The following FANCB variants were observed in gnomAD, a reference collection of about 807,000 sequenced individuals.
FANCB encodes Fanconi anemia group B protein.
Under a neutral mutation model 38.9 loss-of-function variants are expected in FANCB, and 5 were observed. That is an observed-to-expected ratio of 0.13 (90% CI 0.07 to 0.27). The LOEUF (loss-of-function observed/expected upper bound fraction) is 0.27. Ranked by LOEUF, FANCB falls within the 10% of genes least tolerant of loss-of-function variation. FANCB has a pLI of 1.00. For synonymous variants in FANCB, 236 were observed against 215.4 expected (o/e 1.10, Z -0.84); for missense variants, 573 against 602.7 (o/e 0.95, Z 0.52).
At chrX:14,859,871 T>C (rs1343485286) in intron 3 of FANCB, among the ~76,000 whole-genome samples, 2 of 111,433 alleles carry the variant, frequency 1.8e-5, no homozygotes, top group Non-Finnish European at 3.8e-5. Context: ...CCTTAAGAGC[T>C]CTTAATGGAA....
chrX:14,701,242 A>G, the FANCB span, among the ~76,000 whole-genome samples: 1 of 111,146 alleles, frequency 9.0e-6, no homozygotes, highest in Non-Finnish European at 1.9e-5. Flanking sequence ...CATCGGACGT[A>G]GGGGAAATTG....
At chrX:14,826,633 GCT>G in the FANCB span, among the ~76,000 whole-genome samples, 1 of 112,162 alleles carries the variant, frequency 8.9e-6, no homozygotes, top group Non-Finnish European at 1.9e-5. Context: ...TTTCCTTGCC[GCT>G]TTTTCTATTG....
intron 1 of FANCB, among the ~76,000 whole-genome samples, chrX:14,869,803 A>G (rs2092486917): frequency 8.9e-6 from 1 of 112,192 alleles, no homozygotes; most frequent in Admixed American, 9.4e-5. Flanking sequence ...GAAGCTTAGC[A>G]TGGCATTCAA....
Position 14,844,596 on chromosome X carries a change from A to G in FANCB, c.2072T>C (p.Val691Ala), listed in dbSNP as rs187737855. The G allele has an allele frequency of 1.7e-6, 2 of 1,208,172 alleles. No individual in the cohort carries two copies. The highest frequency in any genetic ancestry group is 2.2e-6 in the Non-Finnish European group (2 of 893,371). Residue 691 changes from valine (V) to alanine (A), a missense_variant, in exon 9 of 10, where the codon GTG becomes GCG. Coordinates refer to ENST00000650831, the MANE Select transcript of FANCB (RefSeq NM_001018113.3). ...ACTTCCCGGTCTTTCACAAAAGTAC[A>G]CTTCTGGAAATTCTTTGATTATTTC... ...KCEIIKEFPE[V>A]YFCERPGSFY... is the part of the protein sequence containing the mutation.
chrX:14,835,159 T>C (rs762620161), downstream of FANCB: 69 of 533,402 alleles, frequency 1.3e-4, no homozygotes, highest in Admixed American at 1.5e-3. Flanking sequence ...GTGCAGTTCA[T>C]CCTTTGCACC....
At chrX:14,793,554 A>G in the FANCB span, among the ~76,000 whole-genome samples, 3 of 112,349 alleles carry the variant, frequency 2.7e-5, no homozygotes. Context: ...GCTGTTACGA[A>G]AAAAAGATCA....
intron 6 of FANCB, among the ~76,000 whole-genome samples, chrX:14,852,100 C>A (rs1248405205): frequency 3.0e-4 from 33 of 111,077 alleles, no homozygotes. Flanking sequence ...TATGAAGTTT[C>A]AGCAGTTTTT....
At chrX:14,847,331 T>C (rs1411674049) in intron 7 of FANCB, among the ~76,000 whole-genome samples, 2 of 111,087 alleles carry the variant, frequency 1.8e-5, no homozygotes, top group Non-Finnish European at 3.8e-5. Context: ...AGAATAAAAT[T>C]TATGATAATA....
At chrX:14,772,634 C>G in the FANCB span, among the ~76,000 whole-genome samples, 1 of 112,038 alleles carries the variant, frequency 8.9e-6, no homozygotes, top group Non-Finnish European at 1.9e-5. Flanking sequence ...AATGATGCTG[C>G]CTGGCTCCCT....
chrX:14,728,218 G>A, the FANCB span, among the ~76,000 whole-genome samples: 1 of 109,885 alleles, frequency 9.1e-6, no homozygotes, highest in South Asian at 3.9e-4. Context: ...GTGGGACCCC[G>A]TCTCTACAAA....
intron 1 of FANCB, among the ~76,000 whole-genome samples, chrX:14,869,760 T>C (rs1394200018): frequency 8.9e-6 from 1 of 111,777 alleles, no homozygotes; most frequent in African/African-American, 3.3e-5. Context: ...ATATGAATGG[T>C]GTAGAGAAAA....
chrX:14,870,402 T>A (rs1247607875), intron 1 of FANCB, among the ~76,000 whole-genome samples: 1 of 106,465 alleles, frequency 9.4e-6, no homozygotes, highest in Non-Finnish European at 1.9e-5. Context: ...ATTATAACAG[T>A]GGCTGCAGAA....
chrX:14,773,287 T>G, the FANCB span, among the ~76,000 whole-genome samples: 1 of 112,703 alleles, frequency 8.9e-6, no homozygotes, highest in Non-Finnish European at 1.9e-5. Context: ...GATGCATGCA[T>G]GCCTTGCACA....
chrX:14,813,115 A>G, the FANCB span, among the ~76,000 whole-genome samples: 67 of 106,780 alleles, frequency 6.3e-4, no homozygotes, highest in African/African-American at 1.6e-3. Context: ...AAATTCAACA[A>G]CCCTTCATGC....
intron 7 of FANCB, among the ~76,000 whole-genome samples, chrX:14,847,321 A>C (rs978092729): frequency 1.7e-4 from 19 of 112,010 alleles, no homozygotes; most frequent in African/African-American, 6.2e-4. Flanking sequence ...TAAAAAAGAA[A>C]GAATAAAATT....
Position 14,865,590 on chromosome X carries a change from A to G in FANCB, c.-70-10T>C. ...GTTGATGTTTCTAAACCTAAAAAAG[A>G]AATGAGGAAAAACTGCCATGAAGTA... On this transcript the variant is annotated splice_polypyrimidine_tract_variant and intron_variant, in intron 2 of 9. Coordinates refer to ENST00000650831, the MANE Select transcript of FANCB (RefSeq NM_001018113.3). 1 of 793,498 alleles carries G rather than the reference A, an allele frequency of 1.3e-6. No homozygotes were observed. Among genetic ancestry groups the G allele is most frequent in the South Asian group, 2.2e-5 (1 of 45,688 alleles). 65.4% of individuals were successfully genotyped at this position (793,498 alleles called of 1,213,427 possible).
the FANCB span, among the ~76,000 whole-genome samples, chrX:14,819,340 G>A: frequency 9.4e-4 from 105 of 111,490 alleles, no homozygotes; most frequent in African/African-American, 3.2e-3. Flanking sequence ...TAGATTTCTA[G>A]AGAGGTTAAT....
chrX:14,822,512 A>G, the FANCB span, among the ~76,000 whole-genome samples: 1 of 109,098 alleles, frequency 9.2e-6, no homozygotes, highest in Admixed American at 1.0e-4. Flanking sequence ...CTGGCCTAGT[A>G]TTCCTAACTA....
chrX:14,862,244 G>T (rs898736100), intron 3 of FANCB: 1 of 111,627 alleles, frequency 9.0e-6, no homozygotes, highest in African/African-American at 3.3e-5. Context: ...CAACTTTGAA[G>T]CACTTACTTG....
Sources: gnomAD v4.1 joint callset for allele counts (sites outside exome capture counted in the v4.1 genomes callset) on GRCh38, gnomAD v4.1.1 for gene constraint, MANE v1.5 for transcripts, NCBI Gene and HGNC (gene_info 2026-07-23, HGNC 2026-07-21) for gene names.